PBX3: variants seen among roughly 807,000 people sequenced by gnomAD.
PBX3 encodes the protein pre-B-cell leukemia transcription factor 3.
Under a neutral mutation model 48.5 loss-of-function variants are expected in PBX3, and 14 were observed. That is an observed-to-expected ratio of 0.29 (90% CI 0.19 to 0.45). The LOEUF is 0.45. Among genes scored for constraint, PBX3 ranks in the 20% least tolerant of loss-of-function variants. The pLI is 1.00. For missense variants in PBX3, 386 were observed against 546.7 expected, an observed-to-expected ratio of 0.71 and a Z score of 2.93; for synonymous variants, 210 against 200.3, an observed-to-expected ratio of 1.05 and a Z score of -0.41.
chr9:125,914,375 A>G (rs1020773529), intron 2 of PBX3, among the ~76,000 whole-genome samples: 1 of 152,212 alleles, frequency 6.6e-6, no homozygotes, highest in African/African-American at 2.4e-5. Context: ...TGGGGAAGAA[A>G]TTAAAGTTTT....
intron 2 of PBX3, among the ~76,000 whole-genome samples, chr9:125,767,683 A>G (rs1421927676): frequency 6.6e-6 from 1 of 152,222 alleles, no homozygotes; most frequent in African/African-American, 2.4e-5. Context: ...GATACCATGG[A>G]CCTTGGGTTA....
chr9:125,963,073 A>T lies in PBX3; in HGVS notation c.1184A>T (p.Asn395Ile). ...TGGYSDGLGGNSLYSPHNLNA... is the reference protein window; with the variant it reads ...TGGYSDGLGGISLYSPHNLNA... ...GGCTACAGTGATGGCCTTGGAGGAA[A>T]TTCACTGTACAGTCCACATAATTTA... The change falls in exon 8 of 9, where the codon AAT (asparagine) becomes ATT (isoleucine). Residue 395 changes from asparagine (N) to isoleucine (I), a missense_variant. Asn to Ile is a moderately radical substitution (Grantham distance 149). Coordinates refer to ENST00000373489, the MANE Select transcript of PBX3 (RefSeq NM_006195.6). 6.2e-7 allele frequency: 1 copy of T among 1,607,682 alleles called. No homozygotes were observed. The highest frequency in any genetic ancestry group is 2.2e-5 in the East Asian group (1 of 44,770).
chr9:125,795,473 A>ACC (rs1837751449), intron 2 of PBX3, among the ~76,000 whole-genome samples: 1 of 152,142 alleles, frequency 6.6e-6, no homozygotes, highest in Non-Finnish European at 1.5e-5. Flanking sequence ...TCTAGAGTTA[A>ACC]CCATTAAATA....
At chr9:125,932,960 C>T (rs959327787) in intron 4 of PBX3, among the ~76,000 whole-genome samples, 2 of 152,200 alleles carry the variant, frequency 1.3e-5, no homozygotes, top group East Asian at 3.8e-4. Flanking sequence ...GACTGATGTG[C>T]CACTGCACAC....
chr9:125,947,109 TAA>T (rs1190819650), intron 5 of PBX3, among the ~76,000 whole-genome samples: 1 of 152,100 alleles, frequency 6.6e-6, no homozygotes, highest in African/African-American at 2.4e-5. Flanking sequence ...GGAGGTGAAA[TAA>T]AGACATTTTC....
At chr9:125,865,892 G>A (rs150428622) in intron 2 of PBX3, among the ~76,000 whole-genome samples, 48 of 152,204 alleles carry the variant, frequency 3.2e-4, no homozygotes, top group Non-Finnish European at 1.5e-5. Context: ...AGTTAGGCTG[G>A]GTAATGTGTC....
chr9:125,892,375 A>G (rs1372473895), intron 2 of PBX3, among the ~76,000 whole-genome samples: 1 of 152,144 alleles, frequency 6.6e-6, no homozygotes, highest in African/African-American at 2.4e-5. Flanking sequence ...TAAATTTCCA[A>G]AATAAGTTAA....
intron 2 of PBX3, among the ~76,000 whole-genome samples, chr9:125,794,214 C>A (rs1405266485): frequency 1.3e-5 from 2 of 151,978 alleles, no homozygotes; most frequent in African/African-American, 4.8e-5. Context: ...TTTACTGGAC[C>A]CTTGCTACTC....
intron 2 of PBX3, among the ~76,000 whole-genome samples, chr9:125,768,250 A>G (rs1836852370): frequency 6.6e-6 from 1 of 152,160 alleles, no homozygotes; most frequent in Non-Finnish European, 1.5e-5. Context: ...GTGTATATAA[A>G]ATAAGTAGAT....
chr9:125,962,587 T>C (rs1053434179), intron 7 of PBX3, among the ~76,000 whole-genome samples: 3 of 152,258 alleles, frequency 2.0e-5, no homozygotes, highest in Non-Finnish European at 4.4e-5. Flanking sequence ...TCTTAAATTA[T>C]AACTCTATAA....
chr9:125,960,258 A>T (rs974601145), intron 5 of PBX3, among the ~76,000 whole-genome samples: 1 of 152,216 alleles, frequency 6.6e-6, no homozygotes, highest in Non-Finnish European at 1.5e-5. Context: ...TGATTCTACT[A>T]TACAGCTGCC....
chr9:125,894,812 G>A (rs1489519002), intron 2 of PBX3, among the ~76,000 whole-genome samples: 2 of 152,068 alleles, frequency 1.3e-5, no homozygotes, highest in Non-Finnish European at 2.9e-5. Flanking sequence ...TTGAGGAAAG[G>A]ATATGAGACA....
chr9:125,772,005 G>A (rs1836951487), intron 2 of PBX3, among the ~76,000 whole-genome samples: 1 of 152,164 alleles, frequency 6.6e-6, no homozygotes, highest in African/African-American at 2.4e-5. Context: ...GCAGGCAGTG[G>A]GGTGGGAGGT....
chr9:125,862,361 G>A (rs552396102), intron 2 of PBX3, among the ~76,000 whole-genome samples: 1 of 152,214 alleles, frequency 6.6e-6, no homozygotes, highest in South Asian at 2.1e-4. Context: ...GAGTATCAGT[G>A]GCTTGGAAGA....
intron 2 of PBX3, among the ~76,000 whole-genome samples, chr9:125,762,446 A>T (rs1836695119): frequency 6.6e-6 from 1 of 152,174 alleles, no homozygotes; most frequent in South Asian, 2.1e-4. Flanking sequence ...TCACTTAATT[A>T]GAACTGACTG....
Position 125,777,644 on chromosome 9 carries a change from G to A in PBX3, c.274+29021G>A, listed in dbSNP as rs566274696. ...CTCCCAAAGTGCTGGGATTACAGGC[G>A]TGAGCCACCACGCCCAGCCTAATTA... On this transcript the variant is annotated intron_variant, in intron 2 of 8. Coordinates refer to ENST00000373489, the MANE Select transcript of PBX3 (RefSeq NM_006195.6). Among the ~76,000 whole-genome samples, 113 of 152,094 alleles carry A rather than the reference G, an allele frequency of 7.4e-4. 3 individuals carry two copies. In the South Asian group the frequency reaches 0.022, roughly 30 times the overall value.
chr9:125,920,846 A>C (rs542941257), intron 3 of PBX3, among the ~76,000 whole-genome samples: 6 of 152,228 alleles, frequency 3.9e-5, no homozygotes, highest in Non-Finnish European at 7.3e-5. Context: ...CAGAGGACTT[A>C]CAGATTGCAG....
chr9:125,803,447 C>T (rs1370818568), intron 2 of PBX3, among the ~76,000 whole-genome samples: 3 of 152,120 alleles, frequency 2.0e-5, no homozygotes, highest in Non-Finnish European at 4.4e-5. Flanking sequence ...TTCCAGGATT[C>T]AAAGTATGAA....
intron 2 of PBX3, among the ~76,000 whole-genome samples, chr9:125,894,160 C>T (rs1840715626): frequency 6.6e-6 from 1 of 152,054 alleles, no homozygotes; most frequent in Non-Finnish European, 1.5e-5. Context: ...ATTTTATACC[C>T]TGCATGATTG....
Sources: allele counts gnomAD v4.1 joint callset (sites outside exome capture counted in the v4.1 genomes callset), GRCh38; gene constraint gnomAD v4.1.1; transcripts MANE v1.5; gene names NCBI Gene and HGNC (gene_info 2026-07-23, HGNC 2026-07-21).